Variants in THSD7A observed in about 807,000 individuals in gnomAD.
THSD7A encodes the protein thrombospondin type-1 domain-containing protein 7A.
In THSD7A, 96 loss-of-function variants were observed where a neutral mutation model predicts 231.3. The observed-to-expected ratio is 0.41, with a 90% confidence interval of 0.35 to 0.49. THSD7A has a LOEUF of 0.49. Ranked by LOEUF, THSD7A falls within the 20% of genes least tolerant of loss-of-function variation. The probability of loss-of-function intolerance (pLI) is 0.05; values close to 1 mark genes in which losing one functional copy is unlikely to be tolerated. For missense variants in THSD7A, 2,290 were observed against 2,070.2 expected, an observed-to-expected ratio of 1.11 and a Z score of -2.06; for synonymous variants, 940 against 743.3, an observed-to-expected ratio of 1.26 and a Z score of -4.30.
At chr7:11,421,092 G>A (rs572585296) in intron 16 of THSD7A, among the ~76,000 whole-genome samples, 84 of 152,174 alleles carry the variant, frequency 5.5e-4, no homozygotes, top group Non-Finnish European at 1.1e-3. Context: ...ATGCTAGAAT[G>A]AGTTAAGGCT....
intron 2 of THSD7A, among the ~76,000 whole-genome samples, chr7:11,600,978 T>C (rs945969933): frequency 6.6e-6 from 1 of 152,172 alleles, no homozygotes; most frequent in Non-Finnish European, 1.5e-5. Context: ...CAAAATCCCA[T>C]TGCTACTCAG....
At chr7:11,415,055 C>T (rs148379173) in intron 17 of THSD7A, among the ~76,000 whole-genome samples, 13 of 152,332 alleles carry the variant, frequency 8.5e-5, no homozygotes, top group Middle Eastern at 6.8e-3. Flanking sequence ...GGTTTCTTCA[C>T]ACACAGTGAA....
intron 6 of THSD7A, among the ~76,000 whole-genome samples, chr7:11,533,218 C>T (rs532382723): frequency 6.6e-6 from 1 of 152,258 alleles, no homozygotes; most frequent in East Asian, 1.9e-4. Context: ...AAAAAAATGT[C>T]CTCTGGCCTA....
intron 6 of THSD7A, among the ~76,000 whole-genome samples, chr7:11,509,425 G>T (rs1248371868): frequency 6.6e-6 from 1 of 152,066 alleles, no homozygotes; most frequent in Non-Finnish European, 1.5e-5. Context: ...GATTTCAAAG[G>T]TTAGAAATGT....
intron 25 of THSD7A, 76 bp from the exon 26 acceptor site, chr7:11,379,356 A>G: frequency 2.6e-5 from 38 of 1,448,078 alleles, no homozygotes; most frequent in Non-Finnish European, 3.7e-5. Context: ...CTTGAAGAGA[A>G]GGCTTTAAAC....
chr7:11,594,027 C>A (rs2128342167), intron 2 of THSD7A, among the ~76,000 whole-genome samples: 1 of 152,084 alleles, frequency 6.6e-6, no homozygotes, highest in East Asian at 1.9e-4. Context: ...GCAGACCCAC[C>A]CTTAATCTGA....
chr7:11,667,559 G>GA (rs1416529723), intron 1 of THSD7A, among the ~76,000 whole-genome samples: 1 of 152,092 alleles, frequency 6.6e-6, no homozygotes, highest in Admixed American at 6.6e-5. Context: ...GTGGAAAGAA[G>GA]AAAAACATCT....
At chr7:11,779,316 C>T (rs778162715) in intron 1 of THSD7A, among the ~76,000 whole-genome samples, 6 of 152,132 alleles carry the variant, frequency 3.9e-5, no homozygotes, top group Non-Finnish European at 8.8e-5. Context: ...CTCCCTCACT[C>T]TTCCTTTCAT....
chr7:11,764,588 A>C (rs1782975472), intron 1 of THSD7A, among the ~76,000 whole-genome samples: 1 of 147,000 alleles, frequency 6.8e-6, no homozygotes, highest in Admixed American at 6.8e-5. Flanking sequence ...AAAAAAAAAA[A>C]GTAAAGGGAT....
intron 1 of THSD7A, among the ~76,000 whole-genome samples, chr7:11,642,137 T>C (rs1358169): frequency 0.15 from 22,416 of 152,176 alleles, 1,832 homozygotes; most frequent in Admixed American, 0.21. Flanking sequence ...AAGGAAAATA[T>C]GAAATCCTCT....
At chr7:11,390,454 A>G (rs1782935387) in intron 23 of THSD7A, among the ~76,000 whole-genome samples, 1 of 152,190 alleles carries the variant, frequency 6.6e-6, no homozygotes, top group Non-Finnish European at 1.5e-5. Context: ...CAGCTCCATC[A>G]GGTCATTTAT....
intron 6 of THSD7A, among the ~76,000 whole-genome samples, chr7:11,521,892 T>C (rs1395118983): frequency 1.3e-5 from 2 of 151,966 alleles, no homozygotes; most frequent in East Asian, 1.9e-4. Flanking sequence ...TAAAAACAAT[T>C]GTATAGAGCA....
chr7:11,824,659 C>G (rs1423881415), intron 1 of THSD7A, among the ~76,000 whole-genome samples: 2 of 152,038 alleles, frequency 1.3e-5, no homozygotes, highest in Non-Finnish European at 2.9e-5. Flanking sequence ...TTTGATCCAA[C>G]CAACCAATAT....
chr7:11,693,873 C>A (rs1441470076), intron 1 of THSD7A, among the ~76,000 whole-genome samples: 1 of 151,468 alleles, frequency 6.6e-6, no homozygotes, highest in East Asian at 2.0e-4. Flanking sequence ...ATGATACTTA[C>A]AACTAATTAG....
intron 1 of THSD7A, among the ~76,000 whole-genome samples, chr7:11,780,781 T>C (rs890636314): frequency 4.6e-5 from 7 of 152,116 alleles, no homozygotes; most frequent in African/African-American, 1.4e-4. Flanking sequence ...ACCAATACAA[T>C]GAGAGCTTTA....
intron 1 of THSD7A, among the ~76,000 whole-genome samples, chr7:11,652,523 G>T (rs1367284662): frequency 6.6e-6 from 1 of 151,902 alleles, no homozygotes; most frequent in Non-Finnish European, 1.5e-5. Context: ...AGGATTAGAA[G>T]AGTAATTCAG....
chr7:11,806,736 G>A (rs957082298), intron 1 of THSD7A, among the ~76,000 whole-genome samples: 1 of 152,132 alleles, frequency 6.6e-6, no homozygotes, highest in African/African-American at 2.4e-5. Context: ...AGGTAGAAAA[G>A]GTTCATGGAC....
At chr7:11,462,917 G>A (rs1048868230) in intron 9 of THSD7A, among the ~76,000 whole-genome samples, 4 of 152,128 alleles carry the variant, frequency 2.6e-5, no homozygotes, top group South Asian at 2.1e-4. Flanking sequence ...ATCATGTAGC[G>A]TATAAAACTT....
chr7:11,406,911 T>C lies in THSD7A; in HGVS notation c.4061A>G (p.Gln1354Arg). ...QYGQWSPCQV[Q>R]EAQCGEGTRT... ...TGACAACTTCTTGAGATTTGATACC[T>C]GCACTTGGCATGGAGACCACTGGCC... The change falls in exon 21 of 28, where the codon CAG becomes CGG. Residue 1354 changes from glutamine to arginine, a missense_variant and splice_region_variant. Coordinates refer to ENST00000423059, the MANE Select transcript of THSD7A (RefSeq NM_015204.3). The surrounding 1 kb of genome is among the most constrained non-coding windows in gnomAD (Gnocchi z 4.7). 1.2e-6 allele frequency: 2 copies of C among 1,613,786 alleles called. No homozygotes were observed. Among genetic ancestry groups the C allele is most frequent in the Non-Finnish European group, 1.7e-6 (2 of 1,179,802 alleles).
Sources: allele counts gnomAD v4.1 joint callset (sites outside exome capture counted in the v4.1 genomes callset), GRCh38; gene constraint gnomAD v4.1.1; non-coding constraint Gnocchi (gnomAD v3.1); transcripts MANE v1.5; gene names NCBI Gene and HGNC (gene_info 2026-07-23, HGNC 2026-07-21).